SLC22A15: variants seen among roughly 807,000 people sequenced by gnomAD.
SLC22A15 encodes flipt 1.
In SLC22A15, 45 loss-of-function variants were observed where a neutral mutation model predicts 62.7. The ratio of observed to expected loss-of-function variants is 0.72; its 90% CI spans 0.56 to 0.92. The LOEUF is 0.92. SLC22A15 is among the 40% of genes least tolerant of loss of function. SLC22A15 has a pLI of 0.00. For synonymous variants in SLC22A15, 264 were observed against 267.0 expected (o/e 0.99, Z 0.11); for missense variants, 622 against 665.6 (o/e 0.93, Z 0.72).
intron 9 of SLC22A15, among the ~76,000 whole-genome samples, chr1:116,063,997 C>T (rs1252993410): frequency 6.6e-6 from 1 of 152,080 alleles, no homozygotes; most frequent in Non-Finnish European, 1.5e-5. Context: ...CTTTTCAGAT[C>T]ATAAAACCCT....
At chr1:116,004,501 C>T (rs1025641667) in intron 2 of SLC22A15, among the ~76,000 whole-genome samples, 8 of 152,146 alleles carry the variant, frequency 5.3e-5, no homozygotes, top group African/African-American at 7.2e-5. Flanking sequence ...TGATGGATTA[C>T]AGAGATTGTT....
chr1:116,039,733 G>A (rs1262184151), intron 8 of SLC22A15, among the ~76,000 whole-genome samples: 2 of 151,894 alleles, frequency 1.3e-5, no homozygotes, highest in Non-Finnish European at 2.9e-5. Flanking sequence ...TCCTTTCTAT[G>A]CTTGCAAAGT....
intron 4 of SLC22A15, among the ~76,000 whole-genome samples, chr1:116,026,490 A>G (rs1657096953): frequency 6.6e-6 from 1 of 152,126 alleles, no homozygotes; most frequent in Non-Finnish European, 1.5e-5. Flanking sequence ...CCTGTGTGAT[A>G]AAGATTAAGT....
intron 8 of SLC22A15, among the ~76,000 whole-genome samples, chr1:116,046,369 T>A (rs1657930192): frequency 6.6e-6 from 1 of 152,100 alleles, no homozygotes; most frequent in South Asian, 2.1e-4. Context: ...AAGACTTGTA[T>A]CCAGAATATA....
chr1:116,028,303 T>G (rs1029213331), intron 5 of SLC22A15, among the ~76,000 whole-genome samples: 11 of 152,132 alleles, frequency 7.2e-5, no homozygotes, highest in African/African-American at 2.7e-4. Flanking sequence ...GAAACTAATA[T>G]GATTTTATTA....
intron 8 of SLC22A15, among the ~76,000 whole-genome samples, chr1:116,048,800 C>G (rs1224867252): frequency 6.6e-6 from 1 of 152,126 alleles, no homozygotes; most frequent in Non-Finnish European, 1.5e-5. Flanking sequence ...TTAAAAGATA[C>G]AGAACTGCAA....
chr1:116,023,078 A>G (rs1416349560), intron 4 of SLC22A15, among the ~76,000 whole-genome samples: 3 of 152,234 alleles, frequency 2.0e-5, no homozygotes, highest in Non-Finnish European at 2.9e-5. Context: ...ATGTTCAGCA[A>G]TAGGGGATTT....
intron 5 of SLC22A15, 76 bp from the exon 6 acceptor site, chr1:116,031,290 C>A: frequency 9.0e-7 from 1 of 1,108,098 alleles, no homozygotes; most frequent in East Asian, 2.6e-5. Flanking sequence ...AATCCACGTA[C>A]TGAGTAGGTG....
chr1:116,032,202 C>CT, intron 6 of SLC22A15: 1 of 985,398 alleles, frequency 1.0e-6, no homozygotes, highest in Non-Finnish European at 1.2e-6. Context: ...TCCCACCTAC[C>CT]TTTCAAAATG....
chr1:116,066,603 GA>G lies in SLC22A15; in HGVS notation c.1450del (p.Thr484ProfsTer7), dbSNP rs1271856658. ...GCCTCCTGAGTTTGTTATTGCCGGA[GA>G]CCCTTAACAGTCCGCTGCTAGAAAC... is the stretch of plus-strand genomic sequence containing the variant. ...SGLLSLLLPE[T>X]LNSPLLETFS... On this transcript the variant is annotated frameshift_variant, in exon 11 of 12. Coordinates refer to ENST00000369503, the MANE Select transcript of SLC22A15 (RefSeq NM_018420.3). LOFTEE classifies it high-confidence loss of function. The G allele has an allele frequency of 3.1e-6, 5 of 1,609,970 alleles. No individual in the cohort carries two copies. The highest frequency in any genetic ancestry group is 4.2e-6 in the Non-Finnish European group (5 of 1,178,308).
intron 2 of SLC22A15, among the ~76,000 whole-genome samples, chr1:116,011,444 G>T (rs1689145): frequency 6.6e-6 from 1 of 152,128 alleles, no homozygotes; most frequent in Admixed American, 6.5e-5. Flanking sequence ...CTGTATGCCC[G>T]TAAACCCACA....
In SLC22A15 at chr1:116,031,535, C is replaced by G. The variant is rs767790243; in HGVS notation, c.898C>G (p.Arg300Gly). ...RETGSFLDLF[R>G]YRVLLGHTLI... ...GACTGGAAGTTTCCTGGATCTCTTT[C>G]GTTACCGGGTCCTGTTAGGACACAC... Residue 300 changes from arginine to glycine, a missense_variant, in exon 6 of 12, where the codon CGT becomes GGT. Coordinates refer to ENST00000369503, the MANE Select transcript of SLC22A15 (RefSeq NM_018420.3). The G allele has an allele frequency of 5.0e-6, 8 of 1,613,956 alleles. No individual in the cohort carries two copies. The highest frequency in any genetic ancestry group is 6.8e-6 in the Non-Finnish European group (8 of 1,179,866).
chr1:115,977,154 G>A (rs190035063), intron 1 of SLC22A15, among the ~76,000 whole-genome samples: 2 of 152,296 alleles, frequency 1.3e-5, no homozygotes, highest in East Asian at 1.9e-4. Flanking sequence ...CAGACAAAAG[G>A]TTGTGTCTAG....
At chr1:116,019,020 G>T (rs1262412068) in intron 2 of SLC22A15, among the ~76,000 whole-genome samples, 1 of 152,140 alleles carries the variant, frequency 6.6e-6, no homozygotes, top group Non-Finnish European at 1.5e-5. Flanking sequence ...GCAAATACAG[G>T]TGCTATGAAC....
At chr1:116,042,272 A>G (rs924291024) in intron 8 of SLC22A15, among the ~76,000 whole-genome samples, 1 of 151,804 alleles carries the variant, frequency 6.6e-6, no homozygotes, top group African/African-American at 2.4e-5. Context: ...AATGTACTCC[A>G]TGTGCTTAAG....
At chr1:116,058,190 G>C (rs1658274597) in intron 8 of SLC22A15, among the ~76,000 whole-genome samples, 1 of 151,986 alleles carries the variant, frequency 6.6e-6, no homozygotes, top group South Asian at 2.1e-4. Context: ...AACCCACAGA[G>C]TGGGAGAAAA....
chr1:115,990,489 A>G (rs766511046), intron 1 of SLC22A15, among the ~76,000 whole-genome samples: 9 of 152,200 alleles, frequency 5.9e-5, no homozygotes, highest in Non-Finnish European at 1.0e-4. Flanking sequence ...TGTGTAATCT[A>G]TCTGTTCTTA....
intron 2 of SLC22A15, chr1:116,017,567 A>G (rs1656604902): frequency 6.6e-6 from 1 of 152,144 alleles, no homozygotes; most frequent in Non-Finnish European, 1.5e-5. Context: ...GTGGTTTTGC[A>G]TAGAGATGTC....
At chr1:116,019,472 A>G (rs747460302) in intron 2 of SLC22A15, 110 bp from the exon 3 acceptor site, 75 of 1,013,932 alleles carry the variant, frequency 7.4e-5, no homozygotes, top group Admixed American at 1.2e-4. Flanking sequence ...TCTGGTTAAT[A>G]GTGGATCATG....
Sources: allele counts gnomAD v4.1 joint callset (sites outside exome capture counted in the v4.1 genomes callset), GRCh38; gene constraint gnomAD v4.1.1; transcripts MANE v1.5; gene names NCBI Gene and HGNC (gene_info 2026-07-23, HGNC 2026-07-21).